LIN28B: variants seen among roughly 807,000 people sequenced by gnomAD.
The protein encoded by LIN28B is protein lin-28 homolog B.
In LIN28B, 5 loss-of-function variants were observed where a neutral mutation model predicts 21.9. That is an observed-to-expected ratio of 0.23 (90% CI 0.12 to 0.48). LIN28B has a LOEUF of 0.48. Ranked by LOEUF, LIN28B falls within the 20% of genes least tolerant of loss-of-function variation. The pLI is 0.98. For missense variants in LIN28B, 245 were observed against 310.5 expected (o/e 0.79, Z 1.58); for synonymous variants, 109 against 111.3 (o/e 0.98, Z 0.13).
chr6:105,001,718 A>G (rs954841519), intron 2 of LIN28B, among the ~76,000 whole-genome samples: 2 of 152,208 alleles, frequency 1.3e-5, no homozygotes, highest in Non-Finnish European at 2.9e-5. Context: ...TAATGAAAAT[A>G]TCATAGAAAT....
intron 3 of LIN28B, among the ~76,000 whole-genome samples, chr6:105,026,758 G>GAT (rs1014478165): frequency 6.6e-6 from 1 of 152,094 alleles, no homozygotes; most frequent in Admixed American, 6.6e-5. Flanking sequence ...GTTCCCAATA[G>GAT]ATAGAGGTGC....
intron 2 of LIN28B, among the ~76,000 whole-genome samples, chr6:105,008,112 T>A (rs1770852357): frequency 6.6e-6 from 1 of 152,262 alleles, no homozygotes; most frequent in South Asian, 2.1e-4. Context: ...GCTAAATCTG[T>A]GAGCTTCTTC....
At chr6:104,962,974 T>G (rs1413288226) in intron 2 of LIN28B, among the ~76,000 whole-genome samples, 3 of 152,222 alleles carry the variant, frequency 2.0e-5, no homozygotes, top group African/African-American at 7.2e-5. Context: ...ATTGCCCAGT[T>G]GACCATTTTC....
At chr6:105,067,438 G>T (rs1412966174) in intron 3 of LIN28B, among the ~76,000 whole-genome samples, 1 of 152,110 alleles carries the variant, frequency 6.6e-6, no homozygotes, top group Non-Finnish European at 1.5e-5. Context: ...TAGTTGTCTT[G>T]GGTTCTGAAA....
At chr6:105,064,922 G>T (rs963619808) in intron 3 of LIN28B, among the ~76,000 whole-genome samples, 1 of 152,156 alleles carries the variant, frequency 6.6e-6, no homozygotes, top group African/African-American at 2.4e-5. Flanking sequence ...ATAATAAAGC[G>T]ATTTTTTTGG....
Position 104,957,109 on chromosome 6 carries a change from AAAG to A in LIN28B, c.-138_-136del, listed in dbSNP as rs1301012163. ...CTGGAGAGAGGAGAGAAAAAAATCAAAAGAAGGAAAGCACATTAGACCATGCGA... is the reference window on the plus strand; with the variant it reads ...CTGGAGAGAGGAGAGAAAAAAATCAAAAGGAAAGCACATTAGACCATGCGA... On this transcript the variant is annotated 5_prime_UTR_variant, in exon 1 of 4. Transcript: ENST00000345080. 7 of 1,569,950 alleles carry A rather than the reference AAAG, an allele frequency of 4.5e-6. No homozygotes were observed. In the African/African-American group the frequency reaches 5.5e-5, roughly 12 times the overall value.
At chr6:104,939,994 A>T (rs1330744355) in intron 2 of LIN28B, among the ~76,000 whole-genome samples, 4 of 152,188 alleles carry the variant, frequency 2.6e-5, no homozygotes, top group African/African-American at 9.7e-5. Flanking sequence ...ATATGTGTAT[A>T]TATCACAGTA....
At chr6:105,065,411 T>C (rs538225101) in intron 3 of LIN28B, among the ~76,000 whole-genome samples, 1 of 152,360 alleles carries the variant, frequency 6.6e-6, no homozygotes, top group East Asian at 1.9e-4. Context: ...ATTTTCCTTG[T>C]TCAGTTTTTA....
chr6:105,065,665 G>A (rs1386744425), intron 3 of LIN28B, among the ~76,000 whole-genome samples: 2 of 152,164 alleles, frequency 1.3e-5, no homozygotes, highest in African/African-American at 4.8e-5. Flanking sequence ...TCATTGCTGT[G>A]TAGCTGTCAA....
At chr6:105,027,530 G>A (rs1453132812) in intron 3 of LIN28B, among the ~76,000 whole-genome samples, 8 of 151,394 alleles carry the variant, frequency 5.3e-5, no homozygotes, top group African/African-American at 7.3e-5. Context: ...GATATATTTA[G>A]GATATGAATC....
At chr6:105,003,873 A>C (rs904978271) in intron 2 of LIN28B, among the ~76,000 whole-genome samples, 2 of 152,214 alleles carry the variant, frequency 1.3e-5, no homozygotes, top group African/African-American at 4.8e-5. Context: ...TTGTTCTACA[A>C]GGCTGATATA....
intron 2 of LIN28B, 97 bp from the exon 3 acceptor site, chr6:105,026,201 A>G: frequency 1.6e-6 from 1 of 619,782 alleles, no homozygotes; most frequent in Non-Finnish European, 2.6e-6. Context: ...AATGCATGAC[A>G]GAGTATCTTT....
At chr6:104,979,591 T>TA (rs879363021) in intron 2 of LIN28B, among the ~76,000 whole-genome samples, 4,400 of 145,048 alleles carry the variant, frequency 0.03, 211 homozygotes, top group African/African-American at 0.1. Context: ...TTTTTCTTGT[T>TA]AAAAAAAAAA....
intron 2 of LIN28B, among the ~76,000 whole-genome samples, chr6:104,960,474 C>T (rs1488461346): frequency 2.0e-5 from 3 of 151,898 alleles, no homozygotes; most frequent in Non-Finnish European, 2.9e-5. Context: ...TGTCTATGTA[C>T]TATTTTGTTG....
At chr6:104,990,562 ATTTTTTAT>A (rs1450948644) in intron 2 of LIN28B, among the ~76,000 whole-genome samples, 18 of 107,870 alleles carry the variant, frequency 1.7e-4, no homozygotes, top group Non-Finnish European at 3.4e-4. Context: ...CTTGTTTTTT[ATTTTTTAT>A]TTTTTTTTTT....
intron 2 of LIN28B, among the ~76,000 whole-genome samples, chr6:105,012,265 C>T (rs551874623): frequency 2.6e-5 from 4 of 151,892 alleles, no homozygotes; most frequent in Admixed American, 1.3e-4. Context: ...GTCAGGAGTT[C>T]GAGACCAGCC....
chr6:105,024,138 G>A (rs59022653), intron 2 of LIN28B, among the ~76,000 whole-genome samples: 7,904 of 151,998 alleles, frequency 0.052, 284 homozygotes, highest in East Asian at 0.14. Context: ...ACAGGCGAGC[G>A]CCACCACACC....
intron 2 of LIN28B, among the ~76,000 whole-genome samples, chr6:104,961,493 C>T (rs756649901): frequency 5.3e-5 from 8 of 150,622 alleles, no homozygotes; most frequent in East Asian, 2.0e-4. Flanking sequence ...CTCCACCTCA[C>T]GAGTTCAAGC....
chr6:104,985,696 G>A (rs1770324761), intron 2 of LIN28B, among the ~76,000 whole-genome samples: 2 of 151,864 alleles, frequency 1.3e-5, no homozygotes, highest in South Asian at 2.1e-4. Flanking sequence ...TTCTTATGTC[G>A]TGTTTAAGAC....
Sources: gnomAD v4.1 joint callset for allele counts (sites outside exome capture counted in the v4.1 genomes callset) on GRCh38, gnomAD v4.1.1 for gene constraint, MANE v1.5 for transcripts, NCBI Gene and HGNC (gene_info 2026-07-23, HGNC 2026-07-21) for gene names.